DNAH1: variants seen among roughly 807,000 people sequenced by gnomAD.
DNAH1 encodes the protein axonemal beta dynein heavy chain 1.
DNAH1 carries 327 observed loss-of-function variants against 484.3 expected under a neutral mutation model. The ratio of observed to expected loss-of-function variants is 0.68; its 90% confidence interval spans 0.62 to 0.74. The LOEUF (loss-of-function observed/expected upper bound fraction) is 0.74, where lower values mean the gene tolerates loss of function less well. Ranked by LOEUF, DNAH1 falls within the 30% of genes least tolerant of loss-of-function variation. DNAH1 has a pLI of 0.00. For synonymous variants in DNAH1, 2,192 were observed against 2,191.9 expected, an observed-to-expected ratio of 1.00 and a Z score of 0.00; for missense variants, 5,052 against 5,546.8, an observed-to-expected ratio of 0.91 and a Z score of 2.83.
intron 52 of DNAH1, among the ~76,000 whole-genome samples, chr3:52,384,525 G>A (rs1222238566): frequency 1.3e-5 from 2 of 152,198 alleles, no homozygotes; most frequent in Admixed American, 6.5e-5. Context: ...AGACAGCTAG[G>A]TCCAAGTTCA....
intron 17 of DNAH1, among the ~76,000 whole-genome samples, 178 bp downstream of exon 17, chr3:52,352,281 C>T (rs1702417478): frequency 6.6e-6 from 1 of 152,172 alleles, no homozygotes; most frequent in Admixed American, 6.5e-5. Flanking sequence ...AAAGAGATGC[C>T]TGGGCAGCAA....
rs73072968 is a variant in DNAH1, at chr3:52,380,096, C to T, written c.7569C>T (p.Ser2523=). 31,444 of 1,604,444 alleles carry T rather than the reference C, an allele frequency of 0.02. 378 individuals carry two copies. The highest frequency in any genetic ancestry group is 0.023 in the Non-Finnish European group (26,917 of 1,175,544). The change falls in exon 48 of 78, where the codon TCC becomes TCT. Residue 2523 remains serine, a synonymous_variant. Transcript: ENST00000420323. ...ACGGGGACTTCATGTCACCAGGCTC[C>T]GATGTCAAGTCCTACGAGCTCATCA... ...ILYGDFMSPG[S]DVKSYELITS...
In DNAH1 at chr3:52,399,696, T is replaced by G; in HGVS notation, c.12593T>G (p.Ile4198Ser). ...PKELYTEMAV[I>S]WLLPTPNRKA... ...GAGCTGTACACAGAGATGGCCGTTA[T>G]CTGGCTCTTGCCAACACCCAACCGC... Residue 4198 changes from isoleucine to serine, a missense_variant, in exon 77 of 78, where the codon ATC (isoleucine) becomes AGC (serine). Physicochemically the swap from Ile to Ser is moderately radical, Grantham distance 142. Around this residue, in one of 4 missense-constraint regions of DNAH1, gnomAD observed 853 missense variants for 899.0 expected, o/e 0.95. Transcript: ENST00000420323. 6.2e-7 allele frequency: 1 copy of G among 1,614,012 alleles called. No individual in the cohort carries two copies. The highest frequency in any genetic ancestry group is 8.5e-7 in the Non-Finnish European group (1 of 1,179,886).
intron 1 of DNAH1, chr3:52,321,716 T>C (rs1701155171): frequency 6.6e-6 from 1 of 152,268 alleles, no homozygotes; most frequent in African/African-American, 2.4e-5. Flanking sequence ...GGTATACGTT[T>C]CCTGAGCTGA....
At position 52,358,554 on chromosome 3, in the gene DNAH1, G is replaced by A. The variant is rs757897522; in HGVS notation, c.4087-4G>A. ...CCCCACTCCTGCTCCTCCACTGCTT[G>A]CAGCTGCTATTCCAGGAGGACCTGG... On this transcript the variant is annotated splice_region_variant and splice_polypyrimidine_tract_variant and intron_variant, in intron 24 of 77. Transcript: ENST00000420323. The surrounding 1 kb of genome is among the most constrained non-coding windows in gnomAD (Gnocchi z 4.2). The A allele has an allele frequency of 5.6e-6, 9 of 1,603,232 alleles. No individual in the cohort carries two copies. Among genetic ancestry groups the A allele is most frequent in the Non-Finnish European group, 7.7e-6 (9 of 1,175,234 alleles).
At chr3:52,397,917 G>C (rs1338328168) in intron 74 of DNAH1, 40 bp downstream of exon 74, 1 of 1,577,004 alleles carries the variant, frequency 6.3e-7, no homozygotes, top group Non-Finnish European at 8.6e-7. Context: ...GGCTGGACGG[G>C]CTGGGCTTCA....
rs1704435178 is a variant in DNAH1, at chr3:52,392,574, A to G, written c.10163A>G (p.Lys3388Arg). ...AATGCCAAGATGCGCCAGGAGCTGA[A>G]GGACATTGAGGACCAGATCCTGTAC... ...ISNAKMRQEL[K>R]DIEDQILYRL... The change falls in exon 64 of 78, where the codon AAG becomes AGG. Residue 3388 changes from lysine (K) to arginine (R), a missense_variant. Transcript: ENST00000420323. The G allele has an allele frequency of 2.5e-6, 4 of 1,613,988 alleles. No homozygotes were observed. Among genetic ancestry groups the G allele is most frequent in the Non-Finnish European group, 3.4e-6 (4 of 1,179,884 alleles).
intron 44 of DNAH1, among the ~76,000 whole-genome samples, chr3:52,373,374 G>A (rs1364771016): frequency 6.6e-6 from 1 of 152,234 alleles, no homozygotes; most frequent in Non-Finnish European, 1.5e-5. Flanking sequence ...AGCGGCAAGG[G>A]CGGTGGCGGC....
rs1559524808 is a variant in DNAH1 at position 52,357,895 on chromosome 3, C to T, written c.3981-3C>T. On this transcript the variant is annotated splice_polypyrimidine_tract_variant and splice_region_variant and intron_variant, in intron 23 of 77. Transcript: ENST00000420323. ...CGCTTCCTCACCCCTGTTCCCCTGG[C>T]AGATTCTACTTCCTGTCAGATGATG... The T allele has an allele frequency of 1.2e-6, 2 of 1,611,954 alleles. No homozygotes were observed. Among genetic ancestry groups the T allele is most frequent in the Non-Finnish European group, 1.7e-6 (2 of 1,179,114 alleles).
chr3:52,370,614 G>A lies in DNAH1; in HGVS notation c.6396G>A (p.Arg2132=). 1 of 1,612,266 alleles carries A rather than the reference G, an allele frequency of 6.2e-7. No homozygotes were observed. Among genetic ancestry groups the A allele is most frequent in the Non-Finnish European group, 8.5e-7 (1 of 1,179,164 alleles). The change falls in exon 40 of 78, where the codon AGG becomes AGA. Residue 2132 remains arginine (R), a synonymous_variant. Transcript: ENST00000420323. ...GCACCAGTTTCAGCCACTGGCTAAGGCTCAAGATGGAGAACGAACAGGTGA... is the reference window on the plus strand; with the variant it reads ...GCACCAGTTTCAGCCACTGGCTAAGACTCAAGATGGAGAACGAACAGGTGA... The part of the protein sequence containing the change: ...SGRTSFSHWL[R]LKMENEQLTL...
At chr3:52,378,882 G>A in intron 47 of DNAH1, 102 bp downstream of exon 47, 1 of 1,468,220 alleles carries the variant, frequency 6.8e-7, no homozygotes, top group Non-Finnish European at 9.3e-7. Context: ...GCCCTGAGTG[G>A]GGCTTCCTGG....
chr3:52,323,245 G>C (rs1408935055), intron 2 of DNAH1, among the ~76,000 whole-genome samples: 2 of 152,090 alleles, frequency 1.3e-5, no homozygotes, highest in Non-Finnish European at 1.5e-5. Flanking sequence ...ACAAAGACCT[G>C]GGGTCCCTGA....
At chr3:52,352,495 G>T in intron 17 of DNAH1, 57 bp from the exon 18 acceptor site, 1 of 1,574,410 alleles carries the variant, frequency 6.4e-7, no homozygotes, top group Non-Finnish European at 8.6e-7. Context: ...TGCATGGGAA[G>T]GCCTGGACAC....
chr3:52,366,714 C>G lies in DNAH1; in HGVS notation c.5611-19C>G. The G allele has an allele frequency of 6.2e-7, 1 of 1,600,212 alleles. No homozygotes were observed. The highest frequency in any genetic ancestry group is 8.5e-7 in the Non-Finnish European group (1 of 1,170,584). ...CCCTGCTCTCTGGGAGCCTCACTCT[C>G]AGGCGGTCCGTCTCCCAGTGTTACA... On this transcript the variant is annotated intron_variant, in intron 35 of 77. Coordinates refer to ENST00000420323, the MANE Select transcript of DNAH1 (RefSeq NM_015512.5).
In DNAH1 at chr3:52,386,226, A is replaced by C. The variant is rs760419345; in HGVS notation, c.8692A>C (p.Lys2898Gln). The change falls in exon 55 of 78, where the codon AAG becomes CAG. Residue 2898 changes from lysine to glutamine, a missense_variant. This residue lies in a region of DNAH1 where 2,929 missense variants were observed against 3,409.4 expected (regional missense o/e 0.86). Coordinates refer to ENST00000420323, the MANE Select transcript of DNAH1 (RefSeq NM_015512.5). ...GACAGAGGAGATCAAAGCCAATGAGAAGGCCAAGAAGGCACAAGCTATTGC... is the reference window on the plus strand; with the variant it reads ...GACAGAGGAGATCAAAGCCAATGAGCAGGCCAAGAAGGCACAAGCTATTGC... Reference protein sequence around the residue: ...VQTEEIKANEKAKKAQAIADD... With the variant: ...VQTEEIKANEQAKKAQAIADD... 9.3e-6 allele frequency: 15 copies of C among 1,613,678 alleles called. No homozygotes were observed. The highest frequency in any genetic ancestry group is 1.7e-5 in the Admixed American group (1 of 59,986).
intron 75 of DNAH1, 65 bp from the exon 76 acceptor site, chr3:52,398,785 G>A: frequency 1.5e-6 from 2 of 1,341,946 alleles, no homozygotes; most frequent in South Asian, 1.5e-5. Flanking sequence ...GCCTTGAGCT[G>A]CGGAGCATAG....
chr3:52,388,017 A>G (rs1401114772), intron 56 of DNAH1, 150 bp from the exon 57 acceptor site: 39 of 1,020,422 alleles, frequency 3.8e-5, no homozygotes, highest in Non-Finnish European at 5.2e-5. Flanking sequence ...TTTCTGGGCT[A>G]TGTTGTTCCT....
intron 53 of DNAH1, 94 bp from the exon 54 acceptor site, chr3:52,385,243 C>T (rs1443575822): frequency 7.6e-7 from 1 of 1,320,138 alleles, no homozygotes; most frequent in Admixed American, 2.1e-5. Context: ...CTGCCGGCCA[C>T]AGCTTCTCTC....
In DNAH1 at chr3:52,400,331, T is replaced by C. The variant is rs1704856668; in HGVS notation, c.12683T>C (p.Leu4228Pro). The change falls in exon 78 of 78, where the codon CTA becomes CCA. Residue 4228 changes from leucine to proline, a missense_variant. Physicochemically the swap from Leu to Pro is moderately conservative, Grantham distance 98. Coordinates refer to ENST00000420323, the MANE Select transcript of DNAH1 (RefSeq NM_015512.5). The part of the protein sequence containing the change: ...IYKTLTRAGT[L>P]STTGHSTNYV... Reference sequence around the variant, plus strand: ...CCCTCCTTGCCCATTCCAGGAACACTATCAACCACAGGACACTCTACCAAC... The same window carrying C: ...CCCTCCTTGCCCATTCCAGGAACACCATCAACCACAGGACACTCTACCAAC... 20 of 1,613,916 alleles carry C rather than the reference T, an allele frequency of 1.2e-5. No homozygotes were observed. Among genetic ancestry groups the C allele is most frequent in the Admixed American group, 1.7e-5 (1 of 60,026 alleles).
Sources: allele counts gnomAD v4.1 joint callset (sites outside exome capture counted in the v4.1 genomes callset), GRCh38; gene constraint gnomAD v4.1.1; regional missense constraint gnomAD v4.1.1; non-coding constraint Gnocchi (gnomAD v3.1); transcripts MANE v1.5; gene names NCBI Gene and HGNC (gene_info 2026-07-23, HGNC 2026-07-21).